Variants in TCP11 observed in about 807,000 individuals in gnomAD.
TCP11 encodes the protein t-complex 11.
In TCP11, 34 loss-of-function variants were observed where a neutral mutation model predicts 45.0. The observed-to-expected ratio is 0.76, with a 90% CI of 0.57 to 1.01. The LOEUF is 1.01. Among genes scored for constraint, TCP11 ranks in the 50% least tolerant of loss-of-function variants. The pLI is 0.00. For synonymous variants in TCP11, 227 were observed against 227.0 expected, an observed-to-expected ratio of 1.00 and a Z score of 0.00; for missense variants, 523 against 598.1, an observed-to-expected ratio of 0.87 and a Z score of 1.31.
rs773071336 is a variant in TCP11 at position 35,140,767 on chromosome 6, C to T, written c.104G>A (p.Gly35Asp). 2.6e-6 allele frequency: 4 copies of T among 1,529,730 alleles called. No homozygotes were observed. The Admixed American group carries it at 6.6e-5, about 25-fold the overall frequency. The allele number at this position is 1,529,730 out of a possible 1,614,324, so 94.8% of individuals were successfully genotyped here. Residue 35 changes from glycine (G) to aspartate (D), a missense_variant, in exon 2 of 10, where the codon GGC becomes GAC. Physicochemically the swap from Gly to Asp is moderately conservative, Grantham distance 94. Coordinates refer to ENST00000311875, the MANE Select transcript of TCP11 (RefSeq NM_001370687.1). ...TSGPPQEDKS[G>D]SEDPPPFLSV... ...CCTACAGGGAGGGGGGTCCTCGGAGCCGCTCTTGTCTTCCTGGGGGGGTCC... is the reference window on the plus strand; with the variant it reads ...CCTACAGGGAGGGGGGTCCTCGGAGTCGCTCTTGTCTTCCTGGGGGGGTCC...
At chr6:35,122,914 TCA>T (rs1353807997) in intron 4 of TCP11, among the ~76,000 whole-genome samples, 1 of 152,196 alleles carries the variant, frequency 6.6e-6, no homozygotes, top group African/African-American at 2.4e-5. Context: ...CTGTTTACCT[TCA>T]TGTTAAACAA....
chr6:35,129,041 T>C (rs970555003), intron 4 of TCP11, 21 bp downstream of exon 4: 47 of 1,611,200 alleles, frequency 2.9e-5, no homozygotes, highest in Non-Finnish European at 3.6e-5. Flanking sequence ...ACTTTACATT[T>C]ACAAATGGAA....
At chr6:35,127,085 C>T (rs983254633) in intron 4 of TCP11, among the ~76,000 whole-genome samples, 2 of 152,252 alleles carry the variant, frequency 1.3e-5, no homozygotes, top group Admixed American at 6.5e-5. Context: ...TTTTGTTTCC[C>T]ATCCTGCCAA....
chr6:35,130,086 G>A (rs1170045350), intron 3 of TCP11, among the ~76,000 whole-genome samples: 1 of 152,016 alleles, frequency 6.6e-6, no homozygotes, highest in Non-Finnish European at 1.5e-5. Context: ...CCCAGCCAAG[G>A]CAATTCAATT....
At position 35,122,214 on chromosome 6, in the gene TCP11, T is replaced by C. The variant is rs757885410; in HGVS notation, c.481A>G (p.Lys161Glu). ...HGALKVLYLS[K>E]YVLNMMALLC... is the part of the protein sequence containing the mutation. ...AAAGCCATCATGTTGAGAACGTACT[T>C]AGAGAGATAGAGGACTTTCAGGGCC... Residue 161 changes from lysine to glutamate, a missense_variant, in exon 5 of 10, where the codon AAG becomes GAG. Lys to Glu is a moderately conservative substitution (Grantham distance 56). Coordinates refer to ENST00000311875, the MANE Select transcript of TCP11 (RefSeq NM_001370687.1). 24 of 1,614,038 alleles carry C rather than the reference T, an allele frequency of 1.5e-5. 1 individual carries two copies. The Admixed American group carries it at 3.3e-4, about 22-fold the overall frequency.
chr6:35,139,836 C>T (rs983846767), intron 2 of TCP11, among the ~76,000 whole-genome samples: 3 of 152,096 alleles, frequency 2.0e-5, no homozygotes, highest in Admixed American at 6.6e-5. Flanking sequence ...ATCCAGATCC[C>T]AAGGACAAAG....
At chr6:35,135,513 C>T (rs1478812330) in intron 3 of TCP11, among the ~76,000 whole-genome samples, 1 of 150,950 alleles carries the variant, frequency 6.6e-6, no homozygotes, top group Non-Finnish European at 1.5e-5. Context: ...TTGCTGGGCA[C>T]AGTGGCTCAT....
At chr6:35,126,377 A>C (rs910361364) in intron 4 of TCP11, among the ~76,000 whole-genome samples, 4 of 152,122 alleles carry the variant, frequency 2.6e-5, no homozygotes, top group Admixed American at 1.3e-4. Context: ...CATCCAGATA[A>C]TCACAGAATG....
chr6:35,118,361 T>C lies in TCP11; in HGVS notation c.1420A>G (p.Asn474Asp). 1 of 1,614,142 alleles carries C rather than the reference T, an allele frequency of 6.2e-7. No homozygotes were observed. Among genetic ancestry groups the C allele is most frequent in the South Asian group, 1.1e-5 (1 of 91,082 alleles). ...TAGTAGGGACCAAACACCTGCTGAT[T>C]GTGATGTGTCAAGTTGACAAACTTT... ...GQKFVNLTHH[N>D]QQVFGPYYTE... The change falls in exon 10 of 10, where the codon AAT becomes GAT. Residue 474 changes from asparagine (N) to aspartate (D), a missense_variant. This residue lies in a region of TCP11 where 298 missense variants were observed against 387.9 expected (regional missense o/e 0.77). Coordinates refer to ENST00000311875, the MANE Select transcript of TCP11 (RefSeq NM_001370687.1).
At chr6:35,134,276 T>A (rs1335704757) in intron 3 of TCP11, among the ~76,000 whole-genome samples, 1 of 54,538 alleles carries the variant, frequency 1.8e-5, no homozygotes, top group South Asian at 7.5e-4. Context: ...CCATAAGCTT[T>A]TTTTTTTTTT....
chr6:35,119,456 C>A, intron 8 of TCP11, 65 bp from the exon 9 acceptor site: 1 of 1,575,888 alleles, frequency 6.3e-7, no homozygotes, highest in Non-Finnish European at 8.6e-7. Context: ...CAGGGCCCAG[C>A]ATGCTGTATA....
chr6:35,119,293 G>A lies in TCP11; in HGVS notation c.1214C>T (p.Thr405Ile), dbSNP rs770838863. The change falls in exon 9 of 10, where the codon ACA becomes ATA. Residue 405 changes from threonine to isoleucine, a missense_variant. This residue lies in a region of TCP11 where 298 missense variants were observed against 387.9 expected (regional missense o/e 0.77). Transcript: ENST00000311875. ...MGLVALSSDN[T>I]ASLMGQLQNI... ...CTGGAGCTGTCCCATTAGAGATGCT[G>A]TATTATCACTGCTTAGAGCAACAAG... 7 of 1,614,068 alleles carry A rather than the reference G, an allele frequency of 4.3e-6. No individual in the cohort carries two copies. Among genetic ancestry groups the A allele is most frequent in the East Asian group, 2.2e-5 (1 of 44,900 alleles).
At chr6:35,122,787 G>A (rs1046009015) in intron 4 of TCP11, among the ~76,000 whole-genome samples, 17 of 152,170 alleles carry the variant, frequency 1.1e-4, no homozygotes, top group Admixed American at 1.1e-3. Context: ...ATGGTAAACA[G>A]GGACTCTTAT....
intron 3 of TCP11, among the ~76,000 whole-genome samples, chr6:35,131,333 C>CGAGGCG (rs1328366399): frequency 1.3e-5 from 2 of 151,920 alleles, no homozygotes; most frequent in Non-Finnish European, 2.9e-5. Context: ...TTTGGGGGGC[C>CGAGGCG]GAGGCGGGCG....
chr6:35,127,152 A>C (rs1779916295), intron 4 of TCP11, among the ~76,000 whole-genome samples: 1 of 152,130 alleles, frequency 6.6e-6, no homozygotes, highest in Non-Finnish European at 1.5e-5. Context: ...GAAACAGAAG[A>C]TGAAACTGAC....
chr6:35,120,230 C>A lies in TCP11; in HGVS notation c.1044G>T (p.Leu348Phe). 1.2e-6 allele frequency: 2 copies of A among 1,614,210 alleles called. No individual in the cohort carries two copies. Among genetic ancestry groups the A allele is most frequent in the South Asian group, 1.1e-5 (1 of 91,082 alleles). The change falls in exon 8 of 10, where the codon TTG becomes TTT. Residue 348 changes from leucine to phenylalanine, a missense_variant. Physicochemically the swap from Leu to Phe is conservative, Grantham distance 22. This residue lies in a region of TCP11 where 298 missense variants were observed against 387.9 expected (regional missense o/e 0.77). Transcript: ENST00000311875. This position sits in a 1 kb window ranked among gnomAD's most constrained non-coding sequence, Gnocchi z 4.9. ...TATCTACAAATTGGGGTGAGCCAAA[C>A]AAAACACTGCCGGAGAAACTACTGG... ...LVASSFSGSV[L>F]FGSPQFVDKL... is the part of the protein sequence containing the mutation.
chr6:35,119,144 G>A, intron 9 of TCP11, 84 bp downstream of exon 9: 3 of 1,529,834 alleles, frequency 2.0e-6, no homozygotes, highest in Non-Finnish European at 2.7e-6. Flanking sequence ...TAATGACCAT[G>A]CTTCATGTTG....
chr6:35,128,927 C>A, intron 4 of TCP11, 135 bp downstream of exon 4: 2 of 1,138,184 alleles, frequency 1.8e-6, no homozygotes, highest in Non-Finnish European at 2.4e-6. Context: ...GCTAAAATTA[C>A]TGTATGATTT....
At chr6:35,118,609 A>G in intron 9 of TCP11, 108 bp from the exon 10 acceptor site, 1 of 949,424 alleles carries the variant, frequency 1.1e-6, no homozygotes. Context: ...ATATGTACCA[A>G]CCTGCCCCCC....
Sources: allele counts gnomAD v4.1 joint callset (sites outside exome capture counted in the v4.1 genomes callset), GRCh38; gene constraint gnomAD v4.1.1; regional missense constraint gnomAD v4.1.1; non-coding constraint Gnocchi (gnomAD v3.1); transcripts MANE v1.5; gene names NCBI Gene and HGNC (gene_info 2026-07-23, HGNC 2026-07-21).